The following TMEM132A variants were observed in gnomAD, a reference collection of about 807,000 sequenced individuals.
The protein encoded by TMEM132A is transmembrane protein 132A.
TMEM132A carries 48 observed loss-of-function variants against 69.9 expected under a neutral mutation model. That is an observed-to-expected ratio of 0.69 (90% CI 0.55 to 0.87). TMEM132A has a LOEUF of 0.87. Ranked by LOEUF, TMEM132A falls within the 40% of genes least tolerant of loss-of-function variation. The pLI is 0.00. For missense variants in TMEM132A, 1,287 were observed against 1,407.2 expected (o/e 0.91, Z 1.37); for synonymous variants, 577 against 613.7 (o/e 0.94, Z 0.88).
chr11:60,924,785 G>C, intron 1 of TMEM132A, 52 bp downstream of exon 1: 29 of 1,322,508 alleles, frequency 2.2e-5, no homozygotes, highest in Non-Finnish European at 2.9e-5. Flanking sequence ...CGGCCGAGTG[G>C]GAGCGAGTGA....
chr11:60,926,734 A>G (rs751558899), intron 1 of TMEM132A: 7 of 234,952 alleles, frequency 3.0e-5, no homozygotes, highest in African/African-American at 1.4e-4. Context: ...TGCCATGGCA[A>G]TGATGGGGGA....
chr11:60,928,590 C>T (rs1040809527), intron 3 of TMEM132A, 39 bp from the exon 4 acceptor site: 4 of 1,578,770 alleles, frequency 2.5e-6, no homozygotes, highest in African/African-American at 2.7e-5. Flanking sequence ...TCGCCCTGCA[C>T]CCACCCCCAT....
rs558973887 is a variant in TMEM132A, at chr11:60,937,144, C to T, written c.*237C>T. The T allele has an allele frequency of 2.8e-5, 43 of 1,545,634 alleles. No homozygotes were observed. In the African/African-American group the frequency reaches 3.6e-4, roughly 13 times the overall value. On this transcript the variant is annotated 3_prime_UTR_variant, in exon 11 of 11. Coordinates refer to ENST00000453848, the MANE Select transcript of TMEM132A (RefSeq NM_178031.3). ...ACCATTTCATTCTAACAGAATAAACCGAGAAGGAAACCAGAGCTGGGACTG... is the reference window on the plus strand; with the variant it reads ...ACCATTTCATTCTAACAGAATAAACTGAGAAGGAAACCAGAGCTGGGACTG...
intron 1 of TMEM132A, chr11:60,927,003 C>T: frequency 1.6e-6 from 1 of 624,904 alleles, no homozygotes; most frequent in Non-Finnish European, 2.9e-6. Context: ...AGATTCGAAT[C>T]CTGGCTTTGC....
Position 60,927,196 on chromosome 11 carries a change from C to T in TMEM132A, c.101-8C>T, listed in dbSNP as rs1856364944. The T allele has an allele frequency of 6.2e-7, 1 of 1,611,050 alleles. No individual in the cohort carries two copies. Among genetic ancestry groups the T allele is most frequent in the Admixed American group, 1.7e-5 (1 of 59,996 alleles). On this transcript the variant is annotated splice_polypyrimidine_tract_variant and splice_region_variant and intron_variant, in intron 1 of 10. Transcript: ENST00000453848. ...CTGTCATCATCTCTCCCTCTTATGC[C>T]TCTTCAGTGGACTGTGGCCAGGCTC...
Position 60,931,713 on chromosome 11 carries a change from A to G in TMEM132A, c.1041A>G (p.Leu347=), listed in dbSNP as rs1856482713. The change falls in exon 6 of 11, where the codon CTA becomes CTG. Residue 347 remains leucine (L), a synonymous_variant. Transcript: ENST00000453848. ...DSSPLELSEF[L]WVDFVVENST... is the part of the protein sequence containing the mutation. ...GTCCCCTTGAACTGTCTGAGTTCCT[A>G]TGGGTGGACTTTGTGGTGGAGAATA... 2.5e-6 allele frequency: 4 copies of G among 1,613,868 alleles called. No homozygotes were observed. Among genetic ancestry groups the G allele is most frequent in the Non-Finnish European group, 3.4e-6 (4 of 1,179,862 alleles).
intron 9 of TMEM132A, among the ~76,000 whole-genome samples, 182 bp downstream of exon 9, chr11:60,934,946 G>GT (rs1856556745): frequency 6.6e-6 from 1 of 152,256 alleles, no homozygotes; most frequent in East Asian, 1.9e-4. Flanking sequence ...CATAAGGGGG[G>GT]AAGCCCTCTA....
At position 60,935,705 on chromosome 11, in the gene TMEM132A, T is replaced by G; in HGVS notation, c.2029-159T>G. 2.2e-6 allele frequency: 2 copies of G among 918,150 alleles called. No individual in the cohort carries two copies. The highest frequency in any genetic ancestry group is 1.6e-6 in the Non-Finnish European group (1 of 609,502). 56.9% of individuals were successfully genotyped at this position (918,150 alleles called of 1,614,324 possible). A position where few individuals can be genotyped will look rare whatever the true frequency, so the allele number is the denominator to read the frequency against. On this transcript the variant is annotated intron_variant, in intron 10 of 10. Coordinates refer to ENST00000453848, the MANE Select transcript of TMEM132A (RefSeq NM_178031.3). The surrounding 1 kb of genome is among the most constrained non-coding windows in gnomAD (Gnocchi z 5.0). ...CTAGGGCTGAGTGGCAGACAGGTGATTGACACGCGTCCCCTCTCTCCCTGT... is the reference window on the plus strand; with the variant it reads ...CTAGGGCTGAGTGGCAGACAGGTGAGTGACACGCGTCCCCTCTCTCCCTGT...
At position 60,933,607 on chromosome 11, in the gene TMEM132A, A is replaced by G; in HGVS notation, c.1422A>G (p.Arg474=). Residue 474 remains arginine (R), a synonymous_variant, in exon 8 of 11, where the codon CGA becomes CGG. Transcript: ENST00000453848. ...GKESRGARGV[R]VDFWWRRLRA... ...AGAGCCGGGGCGCCCGGGGGGTGCGAGTGGACTTCTGGTGGCGCCGGCTCC... is the reference window on the plus strand; with the variant it reads ...AGAGCCGGGGCGCCCGGGGGGTGCGGGTGGACTTCTGGTGGCGCCGGCTCC... The G allele has an allele frequency of 6.2e-7, 1 of 1,606,902 alleles. No individual in the cohort carries two copies. Among genetic ancestry groups the G allele is most frequent in the Non-Finnish European group, 8.5e-7 (1 of 1,179,310 alleles).
chr11:60,928,911 G>T lies in TMEM132A; in HGVS notation c.817G>T (p.Ala273Ser). ...MPVRPGQLFS[A>S]TLLLRHNFTA... ...AGTGCGGCCCGGCCAGCTCTTTAGT[G>T]CTACCCTCCTGCTTCGGCACAACTT... is the stretch of plus-strand genomic sequence containing the variant. The change falls in exon 4 of 11, where the codon GCT becomes TCT. Residue 273 changes from alanine to serine, a missense_variant. Coordinates refer to ENST00000453848, the MANE Select transcript of TMEM132A (RefSeq NM_178031.3). 4 of 1,612,758 alleles carry T rather than the reference G, an allele frequency of 2.5e-6. No homozygotes were observed. Among genetic ancestry groups the T allele is most frequent in the Non-Finnish European group, 2.5e-6 (3 of 1,180,004 alleles).
chr11:60,929,341 C>T (rs1352104737), intron 4 of TMEM132A, among the ~76,000 whole-genome samples: 3 of 152,196 alleles, frequency 2.0e-5, no homozygotes, highest in Non-Finnish European at 4.4e-5. Context: ...GATATTTGCC[C>T]CAATCACGTT....
chr11:60,927,078 G>A (rs1856361257), intron 1 of TMEM132A, 126 bp from the exon 2 acceptor site: 2 of 789,624 alleles, frequency 2.5e-6, no homozygotes, highest in East Asian at 4.9e-5. Flanking sequence ...GTGGTGAGAG[G>A]GGAAGGGACA....
intron 4 of TMEM132A, 132 bp downstream of exon 4, chr11:60,929,092 TC>T: frequency 2.6e-6 from 2 of 767,034 alleles, no homozygotes; most frequent in Non-Finnish European, 4.2e-6. Flanking sequence ...CAAACTAAAC[TC>T]CTTCCAGGTA....
At chr11:60,933,891 C>T (rs895952107) in intron 8 of TMEM132A, 147 bp downstream of exon 8, 2 of 703,972 alleles carry the variant, frequency 2.8e-6, no homozygotes, top group Admixed American at 3.0e-5. Context: ...CACCCTGGGC[C>T]GCCCAGCCAA....
At position 60,931,669 on chromosome 11, in the gene TMEM132A, C is replaced by G; in HGVS notation, c.1017-20C>G. On this transcript the variant is annotated intron_variant, in intron 5 of 10. Transcript: ENST00000453848. ...GGCAGCTAGCAAGCATTTGGCTTCT[C>G]TGTCTCCTTTGGCCAGCAGTCCCCT... 1 of 1,591,234 alleles carries G rather than the reference C, an allele frequency of 6.3e-7. No individual in the cohort carries two copies. The highest frequency in any genetic ancestry group is 8.6e-7 in the Non-Finnish European group (1 of 1,165,324).
intron 3 of TMEM132A, 138 bp downstream of exon 3, chr11:60,927,997 A>T: frequency 1.4e-6 from 1 of 692,866 alleles, no homozygotes; most frequent in Non-Finnish European, 2.4e-6. Flanking sequence ...TGCCCCCACT[A>T]GCTTTCAGTG....
chr11:60,932,062 G>T lies in TMEM132A; in HGVS notation c.1291G>T (p.Gly431Trp), dbSNP rs183954132. The T allele has an allele frequency of 5.7e-6, 9 of 1,586,118 alleles. No homozygotes were observed. Among genetic ancestry groups the T allele is most frequent in the South Asian group, 3.5e-5 (3 of 86,260 alleles). The change falls in exon 7 of 11, where the codon GGG becomes TGG. Residue 431 changes from glycine to tryptophan, a missense_variant. Coordinates refer to ENST00000453848, the MANE Select transcript of TMEM132A (RefSeq NM_178031.3). ...CGTGCGCCTTGTCACTGTGGACGGC[G>T]GGGGGGCCTTGGTGGAGGTGACAGA... ...VPVRLVTVDG[G>W]GALVEVTEHV...
At chr11:60,930,095 C>T (rs926181074) in intron 4 of TMEM132A, among the ~76,000 whole-genome samples, 1 of 152,180 alleles carries the variant, frequency 6.6e-6, no homozygotes, top group Non-Finnish European at 1.5e-5. Flanking sequence ...CTTAAAGCAT[C>T]AGCAGGTAAA....
intron 1 of TMEM132A, chr11:60,926,999 G>A (rs1490802639): frequency 1.1e-5 from 7 of 621,084 alleles, no homozygotes; most frequent in East Asian, 5.5e-5. Context: ...ACTCAGATTC[G>A]AATCCTGGCT....
Sources: gnomAD v4.1 joint callset for allele counts (sites outside exome capture counted in the v4.1 genomes callset) on GRCh38, gnomAD v4.1.1 for gene constraint, Gnocchi (gnomAD v3.1) non-coding constraint, MANE v1.5 for transcripts, NCBI Gene and HGNC (gene_info 2026-07-23, HGNC 2026-07-21) for gene names.